The following PPP2R5E variants were observed in gnomAD, a reference collection of about 807,000 sequenced individuals.
The protein encoded by PPP2R5E is serine/threonine-protein phosphatase 2A 56 kDa regulatory subunit epsilon isoform.
PPP2R5E carries 4 observed loss-of-function variants against 65.3 expected under a neutral mutation model. The ratio of observed to expected loss-of-function variants is 0.06; its 90% CI spans 0.03 to 0.14. PPP2R5E has a LOEUF of 0.14. PPP2R5E is among the 10% of genes least tolerant of loss of function. The pLI, the probability that PPP2R5E is intolerant of heterozygous loss-of-function variation, is 1.00. For synonymous variants in PPP2R5E, 183 were observed against 187.4 expected, an observed-to-expected ratio of 0.98 and a Z score of 0.19; for missense variants, 274 against 556.1, an observed-to-expected ratio of 0.49 and a Z score of 5.10.
At chr14:63,470,399 T>A (rs1215728523) in intron 2 of PPP2R5E, among the ~76,000 whole-genome samples, 5 of 125,584 alleles carry the variant, frequency 4.0e-5, no homozygotes, top group Non-Finnish European at 3.1e-5. Context: ...ATAGCCCAGT[T>A]CCAACCCCAA....
chr14:63,472,740 A>C (rs1890193490), intron 2 of PPP2R5E, among the ~76,000 whole-genome samples: 1 of 152,240 alleles, frequency 6.6e-6, no homozygotes, highest in Non-Finnish European at 1.5e-5. Flanking sequence ...AATTATAAGA[A>C]GATATGCATG....
chr14:63,489,815 TTC>T (rs1349497275), intron 2 of PPP2R5E, among the ~76,000 whole-genome samples: 1 of 152,104 alleles, frequency 6.6e-6, no homozygotes, highest in Non-Finnish European at 1.5e-5. Flanking sequence ...CATCTTCCTT[TTC>T]TCTGAGTGAT....
At chr14:63,528,312 G>C (rs1005154902) in intron 2 of PPP2R5E, among the ~76,000 whole-genome samples, 1 of 152,164 alleles carries the variant, frequency 6.6e-6, no homozygotes, top group African/African-American at 2.4e-5. Context: ...ATAATATTCA[G>C]ATATGCTATT....
intron 2 of PPP2R5E, among the ~76,000 whole-genome samples, chr14:63,521,907 G>A (rs1039977267): frequency 6.6e-6 from 1 of 151,708 alleles, no homozygotes; most frequent in African/African-American, 2.4e-5. Context: ...TGCAACCAGA[G>A]GCTGAAGTGA....
Position 63,373,373 on chromosome 14 carries a change from G to C in PPP2R5E, c.*2636C>G, listed in dbSNP as rs777920541. 1 of 152,196 alleles carries C rather than the reference G, an allele frequency of 6.6e-6. No homozygotes were observed. Among genetic ancestry groups the C allele is most frequent in the East Asian group, 1.9e-4 (1 of 5,206 alleles). The allele number at this position is 152,196 out of a possible 1,614,324, so 9.4% of individuals were successfully genotyped here. A position where few individuals can be genotyped will look rare whatever the true frequency, so the allele number is the denominator to read the frequency against. On this transcript the variant is annotated 3_prime_UTR_variant, in exon 14 of 14. Coordinates refer to ENST00000337537, the MANE Select transcript of PPP2R5E (RefSeq NM_006246.5). ...AACAGCAGAATTGTGGGAAGGGACA[G>C]AGAGAGAGGGCTGCTGCAAATGCAG...
chr14:63,512,550 T>C (rs1892507780), intron 2 of PPP2R5E, among the ~76,000 whole-genome samples: 1 of 152,218 alleles, frequency 6.6e-6, no homozygotes, highest in Non-Finnish European at 1.5e-5. Flanking sequence ...TTGAGACACA[T>C]AACTACCCTT....
chr14:63,398,580 A>C (rs1265147948), intron 5 of PPP2R5E, among the ~76,000 whole-genome samples: 1 of 152,102 alleles, frequency 6.6e-6, no homozygotes, highest in Non-Finnish European at 1.5e-5. Context: ...TCACGAGGTC[A>C]GGGGTTTGAG....
intron 2 of PPP2R5E, among the ~76,000 whole-genome samples, chr14:63,504,934 G>T (rs1334335470): frequency 1.3e-5 from 2 of 152,172 alleles, no homozygotes; most frequent in Non-Finnish European, 2.9e-5. Context: ...GCATGACTTA[G>T]GTTAAGAAGA....
intron 2 of PPP2R5E, among the ~76,000 whole-genome samples, chr14:63,538,191 G>A (rs114273072): frequency 1.2e-3 from 188 of 152,082 alleles, no homozygotes; most frequent in Non-Finnish European, 1.8e-3. Context: ...GTTGATCCCG[G>A]CTACTCGGGA....
At chr14:63,461,239 A>G (rs1017394442) in intron 2 of PPP2R5E, among the ~76,000 whole-genome samples, 2 of 152,124 alleles carry the variant, frequency 1.3e-5, no homozygotes, top group African/African-American at 4.8e-5. Context: ...CTAGAGCTTG[A>G]CAGGCTATAC....
chr14:63,528,327 CTT>C (rs1380333265), intron 2 of PPP2R5E, among the ~76,000 whole-genome samples: 1 of 152,320 alleles, frequency 6.6e-6, no homozygotes, highest in African/African-American at 2.4e-5. Context: ...GCTATTCTCT[CTT>C]AAACTATATA....
intron 2 of PPP2R5E, among the ~76,000 whole-genome samples, chr14:63,512,629 G>A (rs1892511029): frequency 6.6e-6 from 1 of 151,998 alleles, no homozygotes; most frequent in Non-Finnish European, 1.5e-5. Flanking sequence ...CCCCAAAGAT[G>A]ACCAGTGTTA....
intron 10 of PPP2R5E, among the ~76,000 whole-genome samples, chr14:63,390,959 T>C (rs1423337601): frequency 6.6e-6 from 1 of 152,158 alleles, no homozygotes; most frequent in Non-Finnish European, 1.5e-5. Flanking sequence ...GTACAAATGA[T>C]TGTAGGCCTG....
chr14:63,438,285 C>G lies in PPP2R5E; in HGVS notation c.354+15404G>C, dbSNP rs150536324. On this transcript the variant is annotated intron_variant, in intron 3 of 13. Coordinates refer to ENST00000337537, the MANE Select transcript of PPP2R5E (RefSeq NM_006246.5). ...CCAAACAATCAGCCAATAAATCCCT[C>G]TCTTTCATTTCTGTGTCTCCTCAGT... is the stretch of plus-strand genomic sequence containing the variant. Among the ~76,000 whole-genome samples, 79 of 152,290 alleles carry G rather than the reference C, an allele frequency of 5.2e-4. 2 individuals are homozygous for G. The East Asian group carries it at 0.013, about 26-fold the overall frequency.
At chr14:63,405,680 A>T (rs1206342638) in intron 5 of PPP2R5E, among the ~76,000 whole-genome samples, 3 of 152,218 alleles carry the variant, frequency 2.0e-5, no homozygotes, top group Non-Finnish European at 4.4e-5. Flanking sequence ...ACAATAATCC[A>T]CCCAATGAAA....
At chr14:63,394,813 T>C (rs1236386817) in intron 7 of PPP2R5E, among the ~76,000 whole-genome samples, 1 of 152,234 alleles carries the variant, frequency 6.6e-6, no homozygotes, top group African/African-American at 2.4e-5. Flanking sequence ...CTGCAGCTGT[T>C]CAAGGACTAT....
Position 63,424,159 on chromosome 14 carries a change from A to G in PPP2R5E, c.355-2065T>C, listed in dbSNP as rs547460993. 6.7e-3 allele frequency among the ~76,000 whole-genome samples: 1,028 copies of G among 152,352 alleles called. 2 individuals are homozygous for G. The highest frequency in any genetic ancestry group is 0.011 in the Non-Finnish European group (768 of 68,026). ...GTAGTGCTTTGCTGCTGGCTTGGAT[A>G]TATGATGTGAAAGAACTAATTAAGG... is the stretch of plus-strand genomic sequence containing the variant. On this transcript the variant is annotated intron_variant, in intron 3 of 13. Coordinates refer to ENST00000337537, the MANE Select transcript of PPP2R5E (RefSeq NM_006246.5).
intron 5 of PPP2R5E, among the ~76,000 whole-genome samples, chr14:63,412,722 T>C (rs1371478819): frequency 6.6e-6 from 1 of 152,190 alleles, no homozygotes; most frequent in African/African-American, 2.4e-5. Flanking sequence ...ATCTTGGGGA[T>C]TGGCGAGGAG....
chr14:63,532,008 C>CA (rs1378198050), intron 2 of PPP2R5E, among the ~76,000 whole-genome samples: 1 of 152,062 alleles, frequency 6.6e-6, no homozygotes, highest in African/African-American at 2.4e-5. Context: ...CATCATTAGT[C>CA]AAAGGTACAA....
Sources: gnomAD v4.1 joint callset for allele counts (sites outside exome capture counted in the v4.1 genomes callset) on GRCh38, gnomAD v4.1.1 for gene constraint, MANE v1.5 for transcripts, NCBI Gene and HGNC (gene_info 2026-07-23, HGNC 2026-07-21) for gene names.